The following JARID2 variants were observed in gnomAD, a reference collection of about 807,000 sequenced individuals.
JARID2 encodes the protein protein Jumonji.
Under a neutral mutation model 125.6 loss-of-function variants are expected in JARID2, and 21 were observed. The observed-to-expected ratio is 0.17, with a 90% CI of 0.12 to 0.24. JARID2 has a LOEUF of 0.24. Among genes scored for constraint, JARID2 ranks in the 10% least tolerant of loss-of-function variants. The pLI is 1.00. For synonymous variants in JARID2, 736 were observed against 661.6 expected (o/e 1.11, Z -1.73); for missense variants, 1,303 against 1,639.6 (o/e 0.79, Z 3.55).
chr6:15,497,214 C>A (rs1023268498), intron 7 of JARID2, 44 bp downstream of exon 7: 1 of 1,373,084 alleles, frequency 7.3e-7, no homozygotes, highest in Admixed American at 2.2e-5. Flanking sequence ...TGCCCTCCTG[C>A]CCCCAGATCC....
chr6:15,378,886 TACATGTG>T (rs1262295384), intron 2 of JARID2, among the ~76,000 whole-genome samples: 1 of 152,186 alleles, frequency 6.6e-6, no homozygotes, highest in African/African-American at 2.4e-5. Context: ...GAAAATAAAA[TACATGTG>T]ACATCTCCTG....
chr6:15,407,724 C>T (rs910743867), intron 2 of JARID2, among the ~76,000 whole-genome samples: 4 of 152,092 alleles, frequency 2.6e-5, no homozygotes, highest in East Asian at 1.9e-4. Context: ...GCAAGCTTGC[C>T]GGCTGGCTCC....
intron 1 of JARID2, among the ~76,000 whole-genome samples, chr6:15,253,459 C>T (rs993931260): frequency 6.6e-6 from 1 of 150,782 alleles, no homozygotes; most frequent in Non-Finnish European, 1.5e-5. Context: ...CTCATGTTTC[C>T]AGGACTTCCT....
chr6:15,496,625 C>T lies in JARID2; in HGVS notation c.1400C>T (p.Ala467Val). The change falls in exon 7 of 18, where the codon GCC becomes GTC. Residue 467 changes from alanine to valine, a missense_variant. Coordinates refer to ENST00000341776, the MANE Select transcript of JARID2 (RefSeq NM_004973.4). ...AAGATGAAAGGGGCGGCTGGCCCCG[C>T]CGAAGGCCCTGGCAAGAAGGCCCCG... ...PKKMKGAAGP[A>V]EGPGKKAPAE... The T allele has an allele frequency of 6.2e-7, 1 of 1,608,540 alleles. No homozygotes were observed. The highest frequency in any genetic ancestry group is 8.5e-7 in the Non-Finnish European group (1 of 1,178,474).
intron 4 of JARID2, among the ~76,000 whole-genome samples, chr6:15,458,706 G>A (rs1387475294): frequency 6.6e-6 from 1 of 152,328 alleles, no homozygotes; most frequent in Admixed American, 6.5e-5. Flanking sequence ...AAGCAGGAAG[G>A]GAGAGGCCCT....
intron 5 of JARID2, among the ~76,000 whole-genome samples, chr6:15,480,707 T>C (rs1426917656): frequency 6.6e-6 from 1 of 152,230 alleles, no homozygotes; most frequent in Admixed American, 6.5e-5. Context: ...TTATATACTT[T>C]ATTCAAAATA....
rs1392908253 is a variant in JARID2, at chr6:15,512,851, G to A, written c.3136-64G>A. The A allele has an allele frequency of 2.6e-6, 4 of 1,516,362 alleles. No individual in the cohort carries two copies. In the East Asian group the frequency reaches 9.1e-5, roughly 34 times the overall value. The allele number at this position is 1,516,362 out of a possible 1,614,324, so 93.9% of individuals were successfully genotyped here. A position where few individuals can be genotyped will look rare whatever the true frequency, so the allele number is the denominator to read the frequency against. The stretch of plus-strand genomic sequence containing the variant: ...ACAGCCTGCCTGCCCCCTCCACCAA[G>A]AAGAACCTTGACAGCTGCCTAGTAA... On this transcript the variant is annotated intron_variant, in intron 14 of 17. Coordinates refer to ENST00000341776, the MANE Select transcript of JARID2 (RefSeq NM_004973.4).
At chr6:15,492,308 T>G (rs145176508) in intron 6 of JARID2, among the ~76,000 whole-genome samples, 78 of 152,352 alleles carry the variant, frequency 5.1e-4, no homozygotes, top group African/African-American at 1.8e-3. Context: ...GTAGCCCACG[T>G]CGGCGCTAAT....
At position 15,317,519 on chromosome 6, in the gene JARID2, G is replaced by A. The variant is rs564066490; in HGVS notation, c.46-56598G>A. Among the ~76,000 whole-genome samples the A allele has an allele frequency of 6.6e-5, 10 of 152,250 alleles. No homozygotes were observed. The South Asian group carries it at 2.1e-3, about 32-fold the overall frequency. On this transcript the variant is annotated intron_variant, in intron 1 of 17. Transcript: ENST00000341776. Reference sequence around the variant, plus strand: ...TACCTTTTACTTCAGTAGACCTGGAGTCTTGCCTCTTGAACTGAAAGTGAG... The same window carrying A: ...TACCTTTTACTTCAGTAGACCTGGAATCTTGCCTCTTGAACTGAAAGTGAG...
intron 3 of JARID2, among the ~76,000 whole-genome samples, chr6:15,429,702 C>G (rs1001648816): frequency 1.3e-5 from 2 of 152,092 alleles, no homozygotes; most frequent in Non-Finnish European, 2.9e-5. Context: ...AGTAAAAACC[C>G]ATTGGATTTG....
intron 4 of JARID2, among the ~76,000 whole-genome samples, chr6:15,454,009 TCC>T: frequency 6.6e-6 from 1 of 152,228 alleles, no homozygotes; most frequent in South Asian, 2.1e-4. Flanking sequence ...TAAGGGTCTA[TCC>T]GAAGTTCTGT....
chr6:15,266,788 G>T (rs1188226638), intron 1 of JARID2, among the ~76,000 whole-genome samples: 1 of 152,156 alleles, frequency 6.6e-6, no homozygotes, highest in Non-Finnish European at 1.5e-5. Context: ...GTCATCTCAT[G>T]ACCCCAGGAG....
intron 2 of JARID2, among the ~76,000 whole-genome samples, chr6:15,383,120 T>A (rs1764652744): frequency 1.3e-5 from 2 of 152,140 alleles, no homozygotes; most frequent in Admixed American, 1.3e-4. Context: ...GAGTTCAGTT[T>A]CAAAGAAGTG....
intron 2 of JARID2, among the ~76,000 whole-genome samples, chr6:15,400,173 G>A (rs1389977405): frequency 2.6e-5 from 4 of 152,194 alleles, no homozygotes; most frequent in African/African-American, 4.8e-5. Flanking sequence ...TATGTGCCTC[G>A]GGGAGGGGCC....
chr6:15,309,190 C>G (rs1390048042), intron 1 of JARID2, among the ~76,000 whole-genome samples: 3 of 152,180 alleles, frequency 2.0e-5, no homozygotes, highest in Non-Finnish European at 4.4e-5. Flanking sequence ...AACATTATTT[C>G]TCATCCAACA....
At chr6:15,250,057 G>C (rs1759383110) in intron 1 of JARID2, among the ~76,000 whole-genome samples, 1 of 152,190 alleles carries the variant, frequency 6.6e-6, no homozygotes, top group Non-Finnish European at 1.5e-5. Flanking sequence ...TTGAAATAGA[G>C]AATCTCTGCC....
intron 9 of JARID2, among the ~76,000 whole-genome samples, chr6:15,506,822 C>T (rs1771026328): frequency 6.6e-6 from 1 of 152,148 alleles, no homozygotes; most frequent in Admixed American, 6.5e-5. Flanking sequence ...AGTAATAGGC[C>T]ATGGTATGGA....
chr6:15,487,318 TC>T lies in JARID2; in HGVS notation c.684del (p.Ser229AlafsTer78). 6.2e-7 allele frequency: 1 copy of T among 1,613,984 alleles called. No individual in the cohort carries two copies. The highest frequency in any genetic ancestry group is 1.3e-5 in the African/African-American group (1 of 75,018). ...TCCTTCCTTTCTAGTTTTCAATGGT[TC>T]CAGCAGGTCAACACGGGAGAAGGAA... Reference protein sequence around the residue: ...HVHNGHVFNGSSRSTREKEPV... With the variant: ...HVHNGHVFNGXSRSTREKEPV... On this transcript the variant is annotated frameshift_variant, in exon 6 of 18. Transcript: ENST00000341776. LOFTEE classifies it high-confidence loss of function.
At chr6:15,292,182 A>G (rs1459495333) in intron 1 of JARID2, among the ~76,000 whole-genome samples, 3 of 151,326 alleles carry the variant, frequency 2.0e-5, no homozygotes, top group African/African-American at 7.3e-5. Flanking sequence ...TCGCCCGGCT[A>G]ATTTTTTTTT....
Sources: allele counts gnomAD v4.1 joint callset (sites outside exome capture counted in the v4.1 genomes callset), GRCh38; gene constraint gnomAD v4.1.1; transcripts MANE v1.5; gene names NCBI Gene and HGNC (gene_info 2026-07-23, HGNC 2026-07-21).